Variants in DCC observed in about 807,000 individuals in gnomAD.
DCC encodes the protein netrin receptor DCC.
DCC carries 58 observed loss-of-function variants against 172.5 expected under a neutral mutation model. The observed-to-expected ratio is 0.34, with a 90% CI of 0.27 to 0.42. The LOEUF (loss-of-function observed/expected upper bound fraction) is 0.42. Ranked by LOEUF, DCC falls within the 10% of genes least tolerant of loss-of-function variation. The pLI, the probability that DCC is intolerant of heterozygous loss-of-function variation, is 1.00. For synonymous variants in DCC, 709 were observed against 644.5 expected (o/e 1.10, Z -1.52); for missense variants, 1,740 against 1,791.0 (o/e 0.97, Z 0.51).
chr18:52,846,608 A>ACACACACACACAC (rs2038894958), intron 2 of DCC, among the ~76,000 whole-genome samples: 1 of 130,498 alleles, frequency 7.7e-6, no homozygotes, highest in African/African-American at 3.0e-5. Context: ...TGCCACTCCA[A>ACACACACACACAC]ACACACACAC....
At chr18:53,042,739 C>A (rs931399255) in intron 5 of DCC, among the ~76,000 whole-genome samples, 1 of 151,888 alleles carries the variant, frequency 6.6e-6, no homozygotes, top group African/African-American at 2.4e-5. Flanking sequence ...TACAGAAATG[C>A]AAATCAAAAC....
intron 15 of DCC, among the ~76,000 whole-genome samples, chr18:53,350,240 G>A (rs187044584): frequency 1.3e-4 from 20 of 152,166 alleles, no homozygotes; most frequent in African/African-American, 2.9e-4. Flanking sequence ...CTCGTTCACC[G>A]CCATTGATGT....
At chr18:52,638,209 A>T (rs1025262930) in intron 1 of DCC, among the ~76,000 whole-genome samples, 1 of 152,170 alleles carries the variant, frequency 6.6e-6, no homozygotes, top group African/African-American at 2.4e-5. Context: ...ATCCAAACAG[A>T]ACCTCTTTAA....
chr18:52,502,519 G>T (rs958275662), intron 1 of DCC, among the ~76,000 whole-genome samples: 1 of 152,090 alleles, frequency 6.6e-6, no homozygotes. Context: ...CTCTATTTTA[G>T]ATTTTCTGAT....
Position 53,305,686 on chromosome 18 carries a change from C to G in DCC, c.2020C>G (p.Leu674Val), listed in dbSNP as rs781368572. ...GACCCGCAGGGGTGAGATGGAAACA[C>G]TGGAGCCAAACAACCTCTGGTACCT... The part of the protein sequence containing the change: ...KTTRRGEMET[L>V]EPNNLWYLFT... The change falls in exon 13 of 29, where the codon CTG becomes GTG. Residue 674 changes from leucine (L) to valine (V), a missense_variant. Physicochemically the swap from Leu to Val is conservative, Grantham distance 32. This residue lies in a region of DCC where 1,732 missense variants were observed against 1,767.4 expected (regional missense o/e 0.98). Transcript: ENST00000442544. 5.0e-6 allele frequency: 8 copies of G among 1,613,856 alleles called. No individual in the cohort carries two copies. In the African/African-American group the frequency reaches 1.1e-4, roughly 22 times the overall value.
chr18:52,784,965 C>G (rs897401042), intron 2 of DCC, among the ~76,000 whole-genome samples: 11 of 148,536 alleles, frequency 7.4e-5, no homozygotes, highest in Admixed American at 4.0e-4. Flanking sequence ...GAGAGAGAGA[C>G]ATGTCCAAAA....
At chr18:52,676,574 A>C (rs929605106) in intron 1 of DCC, among the ~76,000 whole-genome samples, 4 of 152,200 alleles carry the variant, frequency 2.6e-5, no homozygotes, top group African/African-American at 7.2e-5. Flanking sequence ...AATTGAGGCC[A>C]CGACTTGGGA....
chr18:53,405,469 A>G (rs1010060117), intron 19 of DCC, among the ~76,000 whole-genome samples: 3 of 152,210 alleles, frequency 2.0e-5, no homozygotes, highest in African/African-American at 4.8e-5. Flanking sequence ...TACAGTGCTG[A>G]GAAAAGCCCC....
At chr18:52,362,232 A>T (rs1367106214) in intron 1 of DCC, among the ~76,000 whole-genome samples, 1 of 152,224 alleles carries the variant, frequency 6.6e-6, no homozygotes, top group Non-Finnish European at 1.5e-5. Context: ...TGAGTGAATG[A>T]TGGTTATTAG....
intron 1 of DCC, among the ~76,000 whole-genome samples, chr18:52,638,703 A>C (rs958044753): frequency 6.6e-6 from 1 of 152,160 alleles, no homozygotes; most frequent in Non-Finnish European, 1.5e-5. Flanking sequence ...TGTTTTAGTA[A>C]TGAGATAGAC....
rs1568299296 is a variant in DCC at position 53,091,845 on chromosome 18, ATC to A, written c.1261+25681_1261+25682del. ...TATCTATCTATCTATCTATCTATCTATCTATCAATCTATCTATATATATATAT... is the reference window on the plus strand; with the variant it reads ...TATCTATCTATCTATCTATCTATCTATATCAATCTATCTATATATATATAT... On this transcript the variant is annotated intron_variant, in intron 7 of 28. Transcript: ENST00000442544. Among the ~76,000 whole-genome samples the A allele has an allele frequency of 0.02, 1,172 of 57,900 alleles. 17 individuals carry two copies. In the East Asian group the frequency reaches 0.21, roughly 10 times the overall value. 38.0% of individuals were successfully genotyped at this position (57,900 alleles called of 152,430 possible). A position where few individuals can be genotyped will look rare whatever the true frequency, so the allele number is the denominator to read the frequency against.
intron 7 of DCC, among the ~76,000 whole-genome samples, chr18:53,124,514 C>T (rs1228241092): frequency 6.6e-6 from 1 of 152,030 alleles, no homozygotes; most frequent in Non-Finnish European, 1.5e-5. Context: ...GTTGAACTCT[C>T]TACATTCTTA....
chr18:53,415,445 G>A (rs1910254567), intron 20 of DCC, among the ~76,000 whole-genome samples: 2 of 151,902 alleles, frequency 1.3e-5, no homozygotes, highest in African/African-American at 2.4e-5. Flanking sequence ...TCAGAAATGT[G>A]ATAATACTAG....
chr18:52,846,675 C>T (rs542925866), intron 2 of DCC, among the ~76,000 whole-genome samples: 5 of 149,866 alleles, frequency 3.3e-5, no homozygotes, highest in African/African-American at 9.8e-5. Flanking sequence ...GTCTTGGTGT[C>T]TCTCGCAGAG....
chr18:52,635,723 T>C (rs192636092), intron 1 of DCC, among the ~76,000 whole-genome samples: 3 of 152,330 alleles, frequency 2.0e-5, no homozygotes, highest in African/African-American at 4.8e-5. Context: ...TCCTCCTTCC[T>C]GACTCACGTT....
chr18:53,453,143 C>T (rs747077374), intron 23 of DCC, among the ~76,000 whole-genome samples: 8 of 152,072 alleles, frequency 5.3e-5, no homozygotes, highest in Non-Finnish European at 1.0e-4. Context: ...TCTTGATCTC[C>T]TGACTTCATG....
intron 1 of DCC, among the ~76,000 whole-genome samples, chr18:52,736,895 A>G (rs1298732568): frequency 2.0e-5 from 3 of 152,086 alleles, no homozygotes; most frequent in Non-Finnish European, 4.4e-5. Flanking sequence ...ATTATGGGGG[A>G]ACCCACATTT....
rs553313525 is a variant in DCC at position 52,426,187 on chromosome 18, G to A, written c.91+85309G>A. Among the ~76,000 whole-genome samples the A allele has an allele frequency of 4.6e-5, 7 of 152,194 alleles. No individual in the cohort carries two copies. The South Asian group carries it at 1.5e-3, about 32-fold the overall frequency. ...CAAAGCACTTGTGCCTTATGATGGT[G>A]GTGAAAAGCTGTGTCCTCCACCCTA... On this transcript the variant is annotated intron_variant, in intron 1 of 28. Coordinates refer to ENST00000442544, the MANE Select transcript of DCC (RefSeq NM_005215.4).
chr18:52,579,734 C>T (rs1453357871), intron 1 of DCC, among the ~76,000 whole-genome samples: 1 of 152,136 alleles, frequency 6.6e-6, no homozygotes, highest in South Asian at 2.1e-4. Flanking sequence ...TAGGATGGAC[C>T]TATCTGGAAT....
Sources: allele counts gnomAD v4.1 joint callset (sites outside exome capture counted in the v4.1 genomes callset), GRCh38; gene constraint gnomAD v4.1.1; regional missense constraint gnomAD v4.1.1; transcripts MANE v1.5; gene names NCBI Gene and HGNC (gene_info 2026-07-23, HGNC 2026-07-21).